The following PCGF3 variants were observed in gnomAD, a reference collection of about 807,000 sequenced individuals.
The protein encoded by PCGF3 is polycomb group RING finger protein 3.
In PCGF3, 7 loss-of-function variants were observed where a neutral mutation model predicts 33.1. The ratio of observed to expected loss-of-function variants is 0.21; its 90% CI spans 0.12 to 0.40. PCGF3 has a LOEUF of 0.40. PCGF3 is among the 10% of genes least tolerant of loss of function. The pLI is 1.00. For missense variants in PCGF3, 211 were observed against 313.3 expected (o/e 0.67, Z 2.46); for synonymous variants, 153 against 121.3 (o/e 1.26, Z -1.72).
intron 3 of PCGF3, chr4:732,357 C>CTCCCCTCCCTTCTCCT (rs1186265968): frequency 3.2e-5 from 5 of 154,150 alleles, no homozygotes; most frequent in Admixed American, 6.7e-5. Context: ...TTCCCTTCCC[C>CTCCCCTCCCTTCTCCT]TCCCCTCCCT....
intron 8 of PCGF3, among the ~76,000 whole-genome samples, chr4:760,946 G>A (rs1745021386): frequency 6.6e-6 from 1 of 152,186 alleles, no homozygotes; most frequent in Admixed American, 6.5e-5. Context: ...TCCCCTTTGC[G>A]CCATGTTTGT....
intron 5 of PCGF3, among the ~76,000 whole-genome samples, chr4:736,201 C>T (rs1743815213): frequency 6.6e-6 from 1 of 152,014 alleles, no homozygotes; most frequent in Non-Finnish European, 1.5e-5. Context: ...GCGCATGTCA[C>T]CACGCCCAGC....
At chr4:730,472 C>T (rs1743506847) in intron 1 of PCGF3, among the ~76,000 whole-genome samples, 158 bp from the exon 2 acceptor site, 1 of 152,182 alleles carries the variant, frequency 6.6e-6, no homozygotes, top group South Asian at 2.1e-4. Flanking sequence ...CCCGTGTCTC[C>T]CGGGTAGAGC....
At chr4:752,289 C>A (rs931413836) in intron 8 of PCGF3, among the ~76,000 whole-genome samples, 1 of 152,246 alleles carries the variant, frequency 6.6e-6, no homozygotes, top group Non-Finnish European at 1.5e-5. Context: ...CTCTGTGTGA[C>A]CCCATTCCTT....
At chr4:750,036 C>T (rs1464491904) in intron 8 of PCGF3, among the ~76,000 whole-genome samples, 5 of 152,170 alleles carry the variant, frequency 3.3e-5, no homozygotes, top group Admixed American at 3.3e-4. Flanking sequence ...AACTCCTGGG[C>T]TGAAGCAGTC....
chr4:709,374 A>C (rs1742467862), intron 1 of PCGF3, among the ~76,000 whole-genome samples: 2 of 152,048 alleles, frequency 1.3e-5, no homozygotes, highest in Non-Finnish European at 2.9e-5. Flanking sequence ...GAAAGGCAAG[A>C]GTGAATGATG....
intron 8 of PCGF3, among the ~76,000 whole-genome samples, chr4:752,878 C>A (rs1744588844): frequency 6.6e-6 from 1 of 152,262 alleles, no homozygotes; most frequent in Admixed American, 6.5e-5. Context: ...GTTTTCAGAG[C>A]CTCGGGATTG....
chr4:755,224 A>C (rs1744717071), intron 8 of PCGF3, among the ~76,000 whole-genome samples: 1 of 152,204 alleles, frequency 6.6e-6, no homozygotes. Context: ...GGAGACTTTT[A>C]GGTGGTGACC....
chr4:734,436 T>C (rs2109616021), intron 4 of PCGF3: 1 of 1,290,762 alleles, frequency 7.7e-7, no homozygotes, highest in East Asian at 3.0e-5. Context: ...GATGCTTGTG[T>C]ATTTCTCACT....
intron 5 of PCGF3, 80 bp downstream of exon 5, chr4:735,107 T>C (rs2109618306): frequency 6.8e-7 from 1 of 1,462,738 alleles, no homozygotes; most frequent in Non-Finnish European, 9.3e-7. Context: ...TCCCAGGCCA[T>C]TAGCGCTGTA....
chr4:717,024 C>T (rs1742883772), intron 1 of PCGF3, among the ~76,000 whole-genome samples: 1 of 145,892 alleles, frequency 6.9e-6, no homozygotes, highest in Non-Finnish European at 1.5e-5. Flanking sequence ...TGCTGGGACC[C>T]TGTAGACACT....
chr4:734,057 C>G (rs1165554495), intron 4 of PCGF3: 1 of 1,550,534 alleles, frequency 6.4e-7, no homozygotes, highest in African/African-American at 1.4e-5. Context: ...AGCAGCAAGG[C>G]CAGTAGCCGC....
exon 11 of PCGF3, chr4:766,125 T>C (rs758720643): frequency 1.3e-6 from 2 of 1,563,284 alleles, no homozygotes; most frequent in South Asian, 1.1e-5. Flanking sequence ...CACCCTTGGG[T>C]GCTCCCGGCC....
At chr4:765,916 C>T in intron 10 of PCGF3, 116 bp from the exon 11 acceptor site, 1 of 876,412 alleles carries the variant, frequency 1.1e-6, no homozygotes, top group Non-Finnish European at 1.9e-6. Flanking sequence ...TCTGTGCAGC[C>T]CTGCATGTGG....
At chr4:752,697 C>G (rs1744577993) in intron 8 of PCGF3, among the ~76,000 whole-genome samples, 1 of 152,204 alleles carries the variant, frequency 6.6e-6, no homozygotes, top group South Asian at 2.1e-4. Flanking sequence ...ACTTCGACCC[C>G]TGTGTGTGCA....
At chr4:718,456 G>A (rs1248326051) in intron 1 of PCGF3, among the ~76,000 whole-genome samples, 1 of 152,192 alleles carries the variant, frequency 6.6e-6, no homozygotes, top group Non-Finnish European at 1.5e-5. Flanking sequence ...TTAGGTCTTT[G>A]TATGAACGCA....
chr4:741,420 T>G (rs917399440), intron 6 of PCGF3, among the ~76,000 whole-genome samples: 11 of 152,206 alleles, frequency 7.2e-5, no homozygotes, highest in Non-Finnish European at 1.6e-4. Flanking sequence ...TATTCAATCA[T>G]TTTTGAGACG....
At chr4:743,779 G>A (rs1052325846) in intron 7 of PCGF3, 195 bp downstream of exon 7, 1 of 512,270 alleles carries the variant, frequency 2.0e-6, no homozygotes, top group African/African-American at 1.9e-5. Flanking sequence ...TGGGCAGAGG[G>A]GAAAAGCCAG....
chr4:707,265 AG>A (rs1742348634), intron 1 of PCGF3, among the ~76,000 whole-genome samples: 1 of 151,882 alleles, frequency 6.6e-6, no homozygotes, highest in African/African-American at 2.4e-5. Flanking sequence ...GGCCAGACGT[AG>A]GGACCAGGCA....
Sources: gnomAD v4.1 joint callset for allele counts (sites outside exome capture counted in the v4.1 genomes callset) on GRCh38, gnomAD v4.1.1 for gene constraint, MANE v1.5 for transcripts, NCBI Gene and HGNC (gene_info 2026-07-23, HGNC 2026-07-21) for gene names.